Variants in LYZL4 observed in about 807,000 individuals in gnomAD.
LYZL4 encodes the protein lysozyme like 4, also known as lysozyme-like protein 4.
A neutral mutation model predicts 17.6 loss-of-function variants in LYZL4; 13 were observed. That is an observed-to-expected ratio of 0.74 (90% CI 0.48 to 1.18). The LOEUF is 1.18. Among genes scored for constraint, LYZL4 ranks in the 50% most tolerant of loss-of-function variants. The pLI is 0.00. For synonymous variants in LYZL4, 64 were observed against 67.7 expected (o/e 0.95, Z 0.27); for missense variants, 174 against 188.2 (o/e 0.92, Z 0.44).
the LYZL4 span, among the ~76,000 whole-genome samples, chr3:42,391,921 C>T: frequency 1.3e-5 from 2 of 151,540 alleles, no homozygotes; most frequent in Admixed American, 1.3e-4. Flanking sequence ...GTCACCCAGG[C>T]TAGAGTGCAG....
At chr3:42,392,274 G>C (rs577773009), downstream of LYZL4, among the ~76,000 whole-genome samples, 1 of 152,312 alleles carries the variant, frequency 6.6e-6, no homozygotes, top group Non-Finnish European at 1.5e-5. Flanking sequence ...GGGAATGGCA[G>C]AGTGTGGGGG....
chr3:42,361,622 T>C, the LYZL4 span, among the ~76,000 whole-genome samples: 2 of 152,154 alleles, frequency 1.3e-5, no homozygotes, highest in Admixed American at 1.3e-4. Context: ...TCCAGCTATT[T>C]GTCAGCCTGA....
chr3:42,374,085 A>G, the LYZL4 span, among the ~76,000 whole-genome samples: 1 of 152,228 alleles, frequency 6.6e-6, no homozygotes, highest in Non-Finnish European at 1.5e-5. Flanking sequence ...AATAGTTATC[A>G]TTATTATCAC....
chr3:42,397,796 G>A (rs765407555), intron 4 of LYZL4, among the ~76,000 whole-genome samples: 12 of 151,998 alleles, frequency 7.9e-5, no homozygotes, highest in Non-Finnish European at 1.0e-4. Context: ...TACCTGCTCC[G>A]CTCTTCACCT....
chr3:42,407,268 G>T lies in LYZL4; in HGVS notation c.-17C>A. ...TGCCTTCATCTTCTCCAGGCTCCTG[G>T]CAGGTCAGGGCAACGGTGGCCAGAT... On this transcript the variant is annotated 5_prime_UTR_variant, in exon 2 of 5. An upstream open reading frame in the 5' UTR gains an earlier in-frame stop. Coordinates refer to ENST00000287748, the MANE Select transcript of LYZL4 (RefSeq NM_144634.4). The T allele has an allele frequency of 6.2e-7, 1 of 1,613,840 alleles. No individual in the cohort carries two copies. Among genetic ancestry groups the T allele is most frequent in the Non-Finnish European group, 8.5e-7 (1 of 1,179,956 alleles).
At chr3:42,377,150 T>C in the LYZL4 span, among the ~76,000 whole-genome samples, 2 of 152,146 alleles carry the variant, frequency 1.3e-5, no homozygotes, top group South Asian at 4.2e-4. Flanking sequence ...TCTGACCTTT[T>C]GGTGACAAGT....
At chr3:42,376,372 T>G in the LYZL4 span, among the ~76,000 whole-genome samples, 4 of 152,268 alleles carry the variant, frequency 2.6e-5, no homozygotes, top group East Asian at 7.7e-4. Flanking sequence ...TTTACATCAA[T>G]AGCCCTTCAT....
rs193169703 is a variant in LYZL4, at chr3:42,403,169, T to C, written c.371+877A>G. ...AGGCAAAGAGCAAAGAAGAAAAAAA[T>C]TACAAAACAATAGTAATATATAACA... On this transcript the variant is annotated intron_variant, in intron 4 of 4. Coordinates refer to ENST00000287748, the MANE Select transcript of LYZL4 (RefSeq NM_144634.4). Among the ~76,000 whole-genome samples, 606 of 151,634 alleles carry C rather than the reference T, an allele frequency of 4.0e-3. 1 individual carries two copies. Among genetic ancestry groups the C allele is most frequent in the Middle Eastern group, 0.021 (6 of 290 alleles).
At chr3:42,386,166 G>A in the LYZL4 span, among the ~76,000 whole-genome samples, 1 of 151,934 alleles carries the variant, frequency 6.6e-6, no homozygotes, top group Admixed American at 6.6e-5. Context: ...GCAGTGGTGT[G>A]ATCTTGGCTC....
At chr3:42,364,318 C>CCTTTT in the LYZL4 span, among the ~76,000 whole-genome samples, 1 of 150,954 alleles carries the variant, frequency 6.6e-6, no homozygotes, top group Non-Finnish European at 1.5e-5. Flanking sequence ...TTCAGTGTCA[C>CCTTTT]CTTTTCTTTT....
rs1339850650 is a variant in LYZL4 at position 42,397,217 on chromosome 3, T to C, written c.*48A>G. 1 of 1,317,776 alleles carries C rather than the reference T, an allele frequency of 7.6e-7. No individual in the cohort carries two copies. Among genetic ancestry groups the C allele is most frequent in the East Asian group, 2.6e-5 (1 of 39,188 alleles). 81.6% of individuals were successfully genotyped at this position (1,317,776 alleles called of 1,614,324 possible). On this transcript the variant is annotated 3_prime_UTR_variant, in exon 5 of 5. Transcript: ENST00000287748. Reference sequence around the variant, plus strand: ...TGAAGCAGCAAGCAGAAAAGCACCTTCATTCACAAGATGCAACTGGTGAGT... The same window carrying C: ...TGAAGCAGCAAGCAGAAAAGCACCTCCATTCACAAGATGCAACTGGTGAGT...
chr3:42,408,829 A>G (rs1264370435), intron 1 of LYZL4, among the ~76,000 whole-genome samples: 1 of 152,256 alleles, frequency 6.6e-6, no homozygotes, highest in Non-Finnish European at 1.5e-5. Flanking sequence ...CATCCTGTGC[A>G]TTGGATTGTT....
At chr3:42,385,183 CA>C in the LYZL4 span, among the ~76,000 whole-genome samples, 37,605 of 144,462 alleles carry the variant, frequency 0.26, 6,376 homozygotes, top group African/African-American at 0.49. Flanking sequence ...TGCCTCTTTT[CA>C]AAAAAAAAAA....
At chr3:42,395,137 G>A (rs370232965), downstream of LYZL4, among the ~76,000 whole-genome samples, 8 of 152,316 alleles carry the variant, frequency 5.3e-5, no homozygotes, top group Admixed American at 6.5e-5. Context: ...AAGCTCAACA[G>A]TCGTTACTGA....
At chr3:42,381,572 G>A in the LYZL4 span, among the ~76,000 whole-genome samples, 3 of 152,136 alleles carry the variant, frequency 2.0e-5, no homozygotes, top group South Asian at 6.2e-4. Context: ...CATCCGGAAG[G>A]AGCAAGAATT....
At chr3:42,385,511 A>G in the LYZL4 span, among the ~76,000 whole-genome samples, 9 of 152,256 alleles carry the variant, frequency 5.9e-5, no homozygotes, top group Non-Finnish European at 1.2e-4. Flanking sequence ...TGATATTCAC[A>G]TGATGACAAA....
chr3:42,405,872 AT>A (rs1698740484), intron 3 of LYZL4, among the ~76,000 whole-genome samples: 1 of 152,114 alleles, frequency 6.6e-6, no homozygotes, highest in South Asian at 2.1e-4. Flanking sequence ...CCTCATGGGT[AT>A]TTAATTAGAT....
chr3:42,377,634 T>TGTGTGC, the LYZL4 span, among the ~76,000 whole-genome samples: 3 of 87,846 alleles, frequency 3.4e-5, no homozygotes, highest in African/African-American at 9.8e-5. Context: ...TCTGTGTGTG[T>TGTGTGC]GTGTGTGTGT....
chr3:42,397,696 C>T (rs138810755), intron 4 of LYZL4, among the ~76,000 whole-genome samples: 1 of 152,096 alleles, frequency 6.6e-6, no homozygotes, highest in Non-Finnish European at 1.5e-5. Flanking sequence ...CCGTGACTTT[C>T]CCAGAGTCAC....
Sources: gnomAD v4.1 joint callset for allele counts (sites outside exome capture counted in the v4.1 genomes callset) on GRCh38, gnomAD v4.1.1 for gene constraint, MANE v1.5 for transcripts, NCBI Gene and HGNC (gene_info 2026-07-23, HGNC 2026-07-21) for gene names.